The following SCEL variants were observed in gnomAD, a reference collection of about 807,000 sequenced individuals.
SCEL encodes sciellin.
A neutral mutation model predicts 117.6 loss-of-function variants in SCEL; 113 were observed. The observed-to-expected ratio is 0.96, with a 90% CI of 0.83 to 1.12. The LOEUF (loss-of-function observed/expected upper bound fraction) is 1.12. Ranked by LOEUF, SCEL falls within the 50% of genes most tolerant of loss-of-function variation. The probability of loss-of-function intolerance (pLI) is 0.00; values close to 1 mark genes in which losing one functional copy is unlikely to be tolerated. For synonymous variants in SCEL, 270 were observed against 256.2 expected, an observed-to-expected ratio of 1.05 and a Z score of -0.51; for missense variants, 785 against 810.8, an observed-to-expected ratio of 0.97 and a Z score of 0.39.
chr13:77,573,970 T>C (rs2085795166), intron 9 of SCEL, among the ~76,000 whole-genome samples: 1 of 152,218 alleles, frequency 6.6e-6, no homozygotes, highest in Non-Finnish European at 1.5e-5. Context: ...AAATGTTGAC[T>C]AGGAGTTAAC....
rs185316514 is a variant in SCEL at position 77,558,352 on chromosome 13, C to T, written c.162-1452C>T. Among the ~76,000 whole-genome samples, 642 of 152,240 alleles carry T rather than the reference C, an allele frequency of 4.2e-3. 5 individuals are homozygous for T. Among genetic ancestry groups the T allele is most frequent in the Middle Eastern group, 0.01 (3 of 294 alleles). On this transcript the variant is annotated intron_variant, in intron 3 of 32. Transcript: ENST00000349847. ...GTTATAATTCCGCCTCAGATAAAAA[C>T]ATGTCTGGTATCTGCTCCTCTTTCA...
intron 18 of SCEL, 55 bp from the exon 19 acceptor site, chr13:77,604,301 C>T: frequency 9.2e-7 from 1 of 1,092,454 alleles, no homozygotes; most frequent in Non-Finnish European, 1.3e-6. Flanking sequence ...CATTATTCAT[C>T]TGATTAGTGC....
chr13:77,553,713 C>G (rs1320624788), intron 1 of SCEL, among the ~76,000 whole-genome samples: 1 of 151,920 alleles, frequency 6.6e-6, no homozygotes, highest in Non-Finnish European at 1.5e-5. Context: ...TCTTTGCTCT[C>G]TGCTTGTCAA....
At chr13:77,637,251 C>CATAT (rs755741313) in intron 30 of SCEL, 57 bp downstream of exon 30, 4 of 412,314 alleles carry the variant, frequency 9.7e-6, no homozygotes, top group African/African-American at 6.7e-5. Context: ...CACACACACA[C>CATAT]ATATATATAT....
chr13:77,610,182 G>A, intron 22 of SCEL, 76 bp downstream of exon 22: 2 of 1,079,988 alleles, frequency 1.9e-6, no homozygotes, highest in South Asian at 3.1e-5. Context: ...AAATTGTGCG[G>A]TGGCTTACGC....
chr13:77,609,997 A>G (rs1210800197), intron 21 of SCEL, 50 bp from the exon 22 acceptor site: 2 of 1,220,724 alleles, frequency 1.6e-6, no homozygotes, highest in Non-Finnish European at 2.4e-6. Context: ...CAAACACTTG[A>G]AACCATTCGA....
chr13:77,586,727 T>C (rs895541657), intron 9 of SCEL, among the ~76,000 whole-genome samples: 2 of 152,206 alleles, frequency 1.3e-5, no homozygotes, highest in African/African-American at 4.8e-5. Context: ...GAGCCATTGG[T>C]ATGGCCCAAG....
chr13:77,612,687 A>C lies in SCEL; in HGVS notation c.1338-204A>C, dbSNP rs570432418. ...TTGAGGTTAACGTGAAAGAAACAAA[A>C]ATAAAACTAAATTAAATTATCATAT... On this transcript the variant is annotated intron_variant, in intron 22 of 32. Transcript: ENST00000349847. Among the ~76,000 whole-genome samples, 5 of 152,036 alleles carry C rather than the reference A, an allele frequency of 3.3e-5. No homozygotes were observed. The East Asian group carries it at 9.6e-4, about 29-fold the overall frequency.
At chr13:77,606,825 T>C (rs1159529597) in intron 19 of SCEL, among the ~76,000 whole-genome samples, 1 of 152,120 alleles carries the variant, frequency 6.6e-6, no homozygotes, top group Non-Finnish European at 1.5e-5. Flanking sequence ...TCACAGAGTA[T>C]GGAGACGCAG....
At chr13:77,588,982 A>C (rs1424872329) in intron 9 of SCEL, among the ~76,000 whole-genome samples, 162 bp from the exon 10 acceptor site, 1 of 152,200 alleles carries the variant, frequency 6.6e-6, no homozygotes, top group African/African-American at 2.4e-5. Context: ...GACTTCTTTA[A>C]AGTTTAGTGC....
At chr13:77,536,950 G>C (rs995911678) in intron 1 of SCEL, among the ~76,000 whole-genome samples, 1 of 152,144 alleles carries the variant, frequency 6.6e-6, no homozygotes, top group African/African-American at 2.4e-5. Flanking sequence ...TAGCAAGTGT[G>C]GATAATTTTA....
chr13:77,599,992 C>G (rs2087542038), intron 15 of SCEL: 4 of 473,136 alleles, frequency 8.5e-6, no homozygotes, highest in Non-Finnish European at 1.5e-5. Context: ...AGGATATGAC[C>G]TAGATGATCT....
At chr13:77,581,847 C>G (rs1253922252) in intron 9 of SCEL, among the ~76,000 whole-genome samples, 1 of 152,156 alleles carries the variant, frequency 6.6e-6, no homozygotes, top group Non-Finnish European at 1.5e-5. Context: ...AACCAGGTTT[C>G]TTTCCTGCTA....
chr13:77,594,850 G>A (rs751669509), intron 12 of SCEL, among the ~76,000 whole-genome samples: 1 of 152,180 alleles, frequency 6.6e-6, no homozygotes, highest in Non-Finnish European at 1.5e-5. Context: ...CAAAAGAATT[G>A]AAGAGAAGAA....
intron 11 of SCEL, among the ~76,000 whole-genome samples, chr13:77,592,543 T>C (rs1467104339): frequency 2.0e-5 from 3 of 150,726 alleles, no homozygotes; most frequent in Non-Finnish European, 4.4e-5. Context: ...GTTCTTTTCT[T>C]TTCTTCTTCT....
intron 1 of SCEL, among the ~76,000 whole-genome samples, chr13:77,555,620 A>G (rs950151761): frequency 6.6e-6 from 1 of 152,246 alleles, no homozygotes; most frequent in Non-Finnish European, 1.5e-5. Context: ...CCGATTGCTT[A>G]TGATACAACA....
chr13:77,567,238 G>A (rs1473397448), intron 5 of SCEL, among the ~76,000 whole-genome samples: 1 of 152,208 alleles, frequency 6.6e-6, no homozygotes, highest in Non-Finnish European at 1.5e-5. Flanking sequence ...TGGGTTACCT[G>A]AGGTTAGGAG....
At chr13:77,620,199 T>C (rs979494201) in intron 27 of SCEL, among the ~76,000 whole-genome samples, 1 of 152,188 alleles carries the variant, frequency 6.6e-6, no homozygotes, top group Non-Finnish European at 1.5e-5. Context: ...TCAAGAATTA[T>C]CACAAAGCAG....
intron 13 of SCEL, among the ~76,000 whole-genome samples, chr13:77,597,943 A>G (rs1229112548): frequency 1.3e-5 from 2 of 151,358 alleles, no homozygotes; most frequent in Non-Finnish European, 1.5e-5. Flanking sequence ...ACATTTTATT[A>G]TCATAGTTAA....
Sources: gnomAD v4.1 joint callset for allele counts (sites outside exome capture counted in the v4.1 genomes callset) on GRCh38, gnomAD v4.1.1 for gene constraint, MANE v1.5 for transcripts, NCBI Gene and HGNC (gene_info 2026-07-23, HGNC 2026-07-21) for gene names.